The following CRTAM variants were observed in gnomAD, a reference collection of about 807,000 sequenced individuals.
CRTAM encodes the protein cytotoxic and regulatory T-cell molecule.
CRTAM carries 44 observed loss-of-function variants against 50.0 expected under a neutral mutation model. That is an observed-to-expected ratio of 0.88 (90% CI 0.69 to 1.13). The LOEUF is 1.13. CRTAM is among the 50% of genes most tolerant of loss of function. CRTAM has a pLI of 0.00. For missense variants in CRTAM, 448 were observed against 457.5 expected (o/e 0.98, Z 0.19); for synonymous variants, 159 against 169.3 (o/e 0.94, Z 0.47).
At chr11:122,856,782 A>G (rs1446404698) in intron 5 of CRTAM, among the ~76,000 whole-genome samples, 2 of 152,174 alleles carry the variant, frequency 1.3e-5, no homozygotes, top group Non-Finnish European at 2.9e-5. Context: ...CCCTCTGACT[A>G]CCACAAACTT....
intron 3 of CRTAM, among the ~76,000 whole-genome samples, chr11:122,853,103 G>T (rs1311493042): frequency 2.0e-5 from 3 of 149,110 alleles, no homozygotes; most frequent in Non-Finnish European, 3.0e-5. Context: ...TTGCTCTGTT[G>T]CCCGGGCTGG....
chr11:122,868,362 G>C (rs1045623918), intron 9 of CRTAM, among the ~76,000 whole-genome samples: 3 of 152,050 alleles, frequency 2.0e-5, no homozygotes, highest in Non-Finnish European at 4.4e-5. Flanking sequence ...AAGTTCAAAG[G>C]CCTGAGAACT....
chr11:122,863,925 T>G (rs1862133436), intron 6 of CRTAM, among the ~76,000 whole-genome samples: 2 of 151,900 alleles, frequency 1.3e-5, no homozygotes. Flanking sequence ...CGCTGTGCAA[T>G]GGACTAAAAA....
chr11:122,842,141 C>T lies in CRTAM; in HGVS notation c.46+3549C>T, dbSNP rs73602741. The stretch of plus-strand genomic sequence containing the variant: ...AAGGACTATCTGAAAAGGAGTATCA[C>T]GACATGGCAAAGGAGGAGAACACAG... On this transcript the variant is annotated intron_variant, in intron 1 of 9. Coordinates refer to ENST00000227348, the MANE Select transcript of CRTAM (RefSeq NM_019604.4). Among the ~76,000 whole-genome samples, 455 of 152,242 alleles carry T rather than the reference C, an allele frequency of 3.0e-3. 1 individual carries two copies. Among genetic ancestry groups the T allele is most frequent in the African/African-American group, 9.9e-3 (410 of 41,546 alleles).
In CRTAM at chr11:122,853,930, C is replaced by T; in HGVS notation, c.347-13C>T. On this transcript the variant is annotated splice_polypyrimidine_tract_variant and intron_variant, in intron 3 of 9. Coordinates refer to ENST00000227348, the MANE Select transcript of CRTAM (RefSeq NM_019604.4). Reference sequence around the variant, plus strand: ...CATATCTAATTAACACAGAAAAATCCATTTTGTTCTAGCAACTCCTTTCAA... The same window carrying T: ...CATATCTAATTAACACAGAAAAATCTATTTTGTTCTAGCAACTCCTTTCAA... 1 of 1,611,918 alleles carries T rather than the reference C, an allele frequency of 6.2e-7. No homozygotes were observed. Among genetic ancestry groups the T allele is most frequent in the Non-Finnish European group, 8.5e-7 (1 of 1,179,172 alleles).
intron 1 of CRTAM, among the ~76,000 whole-genome samples, chr11:122,840,544 G>A (rs190042994): frequency 1.0e-3 from 159 of 152,152 alleles, no homozygotes; most frequent in African/African-American, 2.0e-3. Context: ...TTGAAAACTC[G>A]TTCAAGGGGC....
At chr11:122,848,946 C>CT (rs1413937752) in intron 1 of CRTAM, among the ~76,000 whole-genome samples, 2 of 152,022 alleles carry the variant, frequency 1.3e-5, no homozygotes, top group African/African-American at 4.8e-5. Flanking sequence ...TCATCAATTT[C>CT]TTTTTTTGGG....
At chr11:122,840,094 T>C (rs986591017) in intron 1 of CRTAM, among the ~76,000 whole-genome samples, 5 of 152,226 alleles carry the variant, frequency 3.3e-5, no homozygotes, top group Non-Finnish European at 7.3e-5. Context: ...TTTTTCAGGC[T>C]TTGAGTTATT....
chr11:122,847,118 T>G (rs999892940), intron 1 of CRTAM, among the ~76,000 whole-genome samples: 4 of 152,236 alleles, frequency 2.6e-5, no homozygotes, highest in Admixed American at 1.3e-4. Flanking sequence ...TTTAATTGCC[T>G]CAATGACTCT....
At chr11:122,851,954 T>G in intron 3 of CRTAM, 109 bp downstream of exon 3, 1 of 898,336 alleles carries the variant, frequency 1.1e-6, no homozygotes. Context: ...AGCAAGGAAT[T>G]GCCTGGGACA....
At chr11:122,840,809 A>G (rs1342938137) in intron 1 of CRTAM, among the ~76,000 whole-genome samples, 1 of 152,168 alleles carries the variant, frequency 6.6e-6, no homozygotes, top group South Asian at 2.1e-4. Flanking sequence ...TATGGAAAAA[A>G]AAAAAGTCAC....
chr11:122,852,158 A>G (rs182697708), intron 3 of CRTAM, among the ~76,000 whole-genome samples: 2 of 152,332 alleles, frequency 1.3e-5, no homozygotes, highest in East Asian at 1.9e-4. Flanking sequence ...CTCGGGAATC[A>G]GAGATGAATT....
intron 1 of CRTAM, among the ~76,000 whole-genome samples, chr11:122,849,024 T>C (rs1339355444): frequency 6.6e-6 from 1 of 152,218 alleles, no homozygotes; most frequent in Non-Finnish European, 1.5e-5. Context: ...TCGGAGAAAT[T>C]AGACTTGTGT....
At chr11:122,867,643 G>A in intron 8 of CRTAM, 88 bp downstream of exon 8, 2 of 1,293,770 alleles carry the variant, frequency 1.5e-6, no homozygotes, top group East Asian at 2.4e-5. Flanking sequence ...AAAGCTTTCT[G>A]TCAGACACTA....
At chr11:122,859,628 G>A (rs1862047698) in intron 5 of CRTAM, among the ~76,000 whole-genome samples, 1 of 152,070 alleles carries the variant, frequency 6.6e-6, no homozygotes, top group African/African-American at 2.4e-5. Flanking sequence ...TATATAATTG[G>A]AAAAGGGTAG....
At position 122,850,177 on chromosome 11, in the gene CRTAM, C is replaced by T; in HGVS notation, c.156C>T (p.Thr52=). The T allele has an allele frequency of 6.2e-7, 1 of 1,613,042 alleles. No homozygotes were observed. Among genetic ancestry groups the T allele is most frequent in the East Asian group, 2.2e-5 (1 of 44,872 alleles). The change falls in exon 2 of 10, where the codon ACC becomes ACT. Residue 52 remains threonine, a synonymous_variant. Transcript: ENST00000227348. The stretch of plus-strand genomic sequence containing the variant: ...AGAACTCCTCCCTCCAGTGGCTGAC[C>T]CCCTCAGGGTTCACCATTTTTTTAA... The part of the protein sequence containing the change: ...LRKNSSLQWL[T]PSGFTIFLNE...
intron 1 of CRTAM, among the ~76,000 whole-genome samples, chr11:122,849,255 G>T (rs1471072492): frequency 1.3e-5 from 2 of 152,312 alleles, no homozygotes; most frequent in Non-Finnish European, 2.9e-5. Flanking sequence ...GGCCAGAAAG[G>T]TTGCATTTTC....
rs1054984363 is a variant in CRTAM, at chr11:122,872,066, T to G, written c.*667T>G. 2 of 151,712 alleles carry G rather than the reference T, an allele frequency of 1.3e-5. No individual in the cohort carries two copies. Among genetic ancestry groups the G allele is most frequent in the African/African-American group, 4.9e-5 (2 of 41,218 alleles). 9.4% of individuals were successfully genotyped at this position (151,712 alleles called of 1,614,324 possible). A position where few individuals can be genotyped will look rare whatever the true frequency, so the allele number is the denominator to read the frequency against. On this transcript the variant is annotated 3_prime_UTR_variant, in exon 10 of 10. Coordinates refer to ENST00000227348, the MANE Select transcript of CRTAM (RefSeq NM_019604.4). ...TGGAGAATCGCTTGAACCTGGGAGG[T>G]GGAGATTGCAGTGAGTCAAGATCTC...
Position 122,868,010 on chromosome 11 carries a change from TAGAAAACG to T in CRTAM, c.965-1_971del. On this transcript the variant is annotated splice_acceptor_variant and coding_sequence_variant, in exon 9 of 10. Coordinates refer to ENST00000227348, the MANE Select transcript of CRTAM (RefSeq NM_019604.4). LOFTEE classifies it high-confidence loss of function. Reference sequence around the variant, plus strand: ...TTAGTTGCTTGATTTTCTTTTTTTGTAGAAAACGAAGTTTCAGAACACACACTAGAAAG... The same window carrying T: ...TTAGTTGCTTGATTTTCTTTTTTTGTAAGTTTCAGAACACACACTAGAAAG... 6.3e-7 allele frequency: 1 copy of T among 1,594,020 alleles called. No individual in the cohort carries two copies.
Sources: gnomAD v4.1 joint callset for allele counts (sites outside exome capture counted in the v4.1 genomes callset) on GRCh38, gnomAD v4.1.1 for gene constraint, MANE v1.5 for transcripts, NCBI Gene and HGNC (gene_info 2026-07-23, HGNC 2026-07-21) for gene names.